The following GRM1 variants were observed in gnomAD, a reference collection of about 807,000 sequenced individuals.
GRM1 encodes the protein metabotropic glutamate receptor 1.
In GRM1, 33 loss-of-function variants were observed where a neutral mutation model predicts 90.9. That is an observed-to-expected ratio of 0.36 (90% CI 0.28 to 0.49). The LOEUF (loss-of-function observed/expected upper bound fraction) is 0.49, where lower values mean the gene tolerates loss of function less well. Ranked by LOEUF, GRM1 falls within the 20% of genes least tolerant of loss-of-function variation. The pLI is 0.99. For synonymous variants in GRM1, 700 were observed against 613.2 expected (o/e 1.14, Z -2.09); for missense variants, 1,190 against 1,534.3 (o/e 0.78, Z 3.75).
intron 2 of GRM1, among the ~76,000 whole-genome samples, chr6:146,165,227 A>G (rs1207825925): frequency 6.6e-6 from 1 of 152,166 alleles, no homozygotes; most frequent in Non-Finnish European, 1.5e-5. Context: ...TTTAAAAGCA[A>G]ATGAAATACT....
chr6:146,267,680 G>GGGCTC (rs752293971), intron 2 of GRM1, among the ~76,000 whole-genome samples: 6,951 of 90,650 alleles, frequency 0.077, 726 homozygotes, highest in Non-Finnish European at 0.1. Flanking sequence ...GGGCTGGGCT[G>GGGCTC]GGCTCGGCTC....
At chr6:146,421,006 T>C (rs912271104) in intron 7 of GRM1, among the ~76,000 whole-genome samples, 1 of 152,136 alleles carries the variant, frequency 6.6e-6, no homozygotes, top group East Asian at 1.9e-4. Context: ...TCTGATATCT[T>C]TGAAAATTGC....
At chr6:146,352,212 A>G (rs779235067) in intron 3 of GRM1, 38 bp from the exon 4 acceptor site, 1 of 1,608,270 alleles carries the variant, frequency 6.2e-7, no homozygotes, top group Non-Finnish European at 8.5e-7. Context: ...AGTCTTTATC[A>G]TTGTGACCTT....
In GRM1 at chr6:146,181,304, T is replaced by A. The variant is rs147380083; in HGVS notation, c.950+21707T>A. ...TTCTCCAAAGAGTAATGGTGAGAAA[T>A]GAAATGTCTGAGGCACTGAATAAGG... On this transcript the variant is annotated intron_variant, in intron 2 of 7. Coordinates refer to ENST00000282753, the MANE Select transcript of GRM1 (RefSeq NM_001278064.2). Among the ~76,000 whole-genome samples, 18 of 151,752 alleles carry A rather than the reference T, an allele frequency of 1.2e-4. No individual in the cohort carries two copies. The East Asian group carries it at 3.5e-3, about 29-fold the overall frequency.
At chr6:146,136,800 T>A (rs1776637484) in intron 1 of GRM1, among the ~76,000 whole-genome samples, 1 of 151,680 alleles carries the variant, frequency 6.6e-6, no homozygotes, top group Admixed American at 6.6e-5. Flanking sequence ...TAATCTGTCA[T>A]GTGGGTTGTT....
chr6:146,060,652 G>A (rs565601122), intron 1 of GRM1, among the ~76,000 whole-genome samples: 2 of 152,186 alleles, frequency 1.3e-5, no homozygotes, highest in East Asian at 1.9e-4. Flanking sequence ...GTCTATCACT[G>A]ATGGACATAT....
At chr6:146,261,781 A>G (rs1015868707) in intron 2 of GRM1, among the ~76,000 whole-genome samples, 1 of 152,112 alleles carries the variant, frequency 6.6e-6, no homozygotes, top group African/African-American at 2.4e-5. Context: ...TATGGGCTTG[A>G]GATGGTCTCC....
intron 1 of GRM1, among the ~76,000 whole-genome samples, chr6:146,034,509 A>G (rs1790814611): frequency 6.6e-6 from 1 of 151,974 alleles, no homozygotes; most frequent in Admixed American, 6.6e-5. Flanking sequence ...ATTAGATTCA[A>G]GAGGAGGACT....
chr6:146,324,743 G>A (rs980084132), intron 3 of GRM1, among the ~76,000 whole-genome samples: 6 of 152,020 alleles, frequency 3.9e-5, no homozygotes, highest in Non-Finnish European at 5.9e-5. Context: ...CTCACCCCCC[G>A]TGGGCTGCAC....
intron 2 of GRM1, among the ~76,000 whole-genome samples, chr6:146,216,192 T>C (rs1169948990): frequency 6.6e-6 from 1 of 152,242 alleles, no homozygotes; most frequent in Non-Finnish European, 1.5e-5. Context: ...ATTAGATTTG[T>C]CCAGTTGAAA....
chr6:146,416,957 G>A (rs1382857193), intron 7 of GRM1, among the ~76,000 whole-genome samples: 1 of 152,190 alleles, frequency 6.6e-6, no homozygotes, highest in African/African-American at 2.4e-5. Context: ...AAACCACCAA[G>A]TGTCAGTCTC....
In GRM1 at chr6:146,390,031, A is replaced by T. The variant is rs1030328492; in HGVS notation, c.1729+3015A>T. Among the ~76,000 whole-genome samples the T allele has an allele frequency of 2.6e-5, 4 of 152,088 alleles. No homozygotes were observed. The East Asian group carries it at 5.8e-4, about 22-fold the overall frequency. On this transcript the variant is annotated intron_variant, in intron 6 of 7. Transcript: ENST00000282753. ...TAAAAATCAGTAGAATTACTCAGAA[A>T]AGTAAACGCATTGCCTTTAAGTAGG...
At chr6:146,406,344 T>C (rs1237335499) in intron 7 of GRM1, among the ~76,000 whole-genome samples, 1 of 152,202 alleles carries the variant, frequency 6.6e-6, no homozygotes, top group African/African-American at 2.4e-5. Context: ...TGGGAACTTA[T>C]CATCATTTTT....
Position 146,399,600 on chromosome 6 carries a change from ATGT to A in GRM1, c.2565_2567del (p.Val856del), listed in dbSNP as rs770540155. The A allele has an allele frequency of 1.9e-6, 3 of 1,614,030 alleles. No individual in the cohort carries two copies. The highest frequency in any genetic ancestry group is 1.7e-6 in the Non-Finnish European group (2 of 1,179,940). On this transcript the variant is annotated inframe_deletion, in exon 7 of 8. Transcript: ENST00000282753. The surrounding 1 kb of genome is among the most constrained non-coding windows in gnomAD (Gnocchi z 5.4). The stretch of plus-strand genomic sequence containing the variant: ...GTCCGCAGTGCCTTCACCACCTCTG[ATGT>A]TGTCCGCATGCATGTTGGCGATGGC...
At chr6:146,285,436 G>T (rs564440864) in intron 2 of GRM1, among the ~76,000 whole-genome samples, 3 of 152,266 alleles carry the variant, frequency 2.0e-5, no homozygotes, top group South Asian at 4.1e-4. Flanking sequence ...AGTCTAGACT[G>T]ATTTGCTAGC....
chr6:146,238,186 T>C (rs1432436342), intron 2 of GRM1, among the ~76,000 whole-genome samples: 3 of 152,190 alleles, frequency 2.0e-5, no homozygotes, highest in African/African-American at 7.2e-5. Flanking sequence ...AAGATTGTTT[T>C]CTATCATTTG....
At chr6:146,159,800 A>G (rs1286674815) in intron 2 of GRM1, 1 of 566,718 alleles carries the variant, frequency 1.8e-6, no homozygotes, top group Non-Finnish European at 3.1e-6. Context: ...CTGCTAAACA[A>G]CAGCAGAACA....
chr6:146,177,295 G>A (rs1003134962), intron 2 of GRM1, among the ~76,000 whole-genome samples: 2 of 151,972 alleles, frequency 1.3e-5, no homozygotes, highest in Non-Finnish European at 2.9e-5. Context: ...ACTCACAGCA[G>A]GCTAGAATAG....
At chr6:146,337,841 T>C (rs1262315588) in intron 3 of GRM1, among the ~76,000 whole-genome samples, 2 of 152,166 alleles carry the variant, frequency 1.3e-5, no homozygotes, top group Non-Finnish European at 2.9e-5. Flanking sequence ...AAGAAAATGA[T>C]TTACTTCCCC....
Sources: gnomAD v4.1 joint callset for allele counts (sites outside exome capture counted in the v4.1 genomes callset) on GRCh38, gnomAD v4.1.1 for gene constraint, Gnocchi (gnomAD v3.1) non-coding constraint, MANE v1.5 for transcripts, NCBI Gene and HGNC (gene_info 2026-07-23, HGNC 2026-07-21) for gene names.